Variants in LRRC4C observed in about 807,000 individuals in gnomAD.
LRRC4C encodes leucine-rich repeat-containing protein 4C.
In LRRC4C, 5 loss-of-function variants were observed where a neutral mutation model predicts 33.6. That is an observed-to-expected ratio of 0.15 (90% confidence interval 0.08 to 0.31). The LOEUF (loss-of-function observed/expected upper bound fraction) is 0.31. LRRC4C is among the 10% of genes least tolerant of loss of function. LRRC4C has a pLI of 1.00. For synonymous variants in LRRC4C, 329 were observed against 302.0 expected, an observed-to-expected ratio of 1.09 and a Z score of -0.93; for missense variants, 560 against 796.7, an observed-to-expected ratio of 0.70 and a Z score of 3.58.
chr11:40,629,084 G>C (rs1015553890), intron 3 of LRRC4C, among the ~76,000 whole-genome samples: 1 of 152,074 alleles, frequency 6.6e-6, no homozygotes, highest in African/African-American at 2.4e-5. Context: ...TACTTAGCAA[G>C]TTGCAATTAA....
intron 3 of LRRC4C, among the ~76,000 whole-genome samples, chr11:40,568,262 G>T (rs1163297921): frequency 6.6e-6 from 1 of 152,180 alleles, no homozygotes; most frequent in Non-Finnish European, 1.5e-5. Context: ...GGAAGAAACT[G>T]ATGTCTCCAA....
At chr11:40,555,953 A>T (rs1464698525) in intron 3 of LRRC4C, among the ~76,000 whole-genome samples, 7 of 152,328 alleles carry the variant, frequency 4.6e-5, no homozygotes, top group Middle Eastern at 3.4e-3. Context: ...TCAATTTTTT[A>T]AAATTATTTC....
At chr11:41,272,248 G>T (rs965063768) in intron 1 of LRRC4C, among the ~76,000 whole-genome samples, 1 of 152,092 alleles carries the variant, frequency 6.6e-6, no homozygotes, top group Non-Finnish European at 1.5e-5. Flanking sequence ...AAGTTGGGGT[G>T]GGGGAAGTGC....
chr11:40,700,397 C>G (rs1945810069), intron 2 of LRRC4C, among the ~76,000 whole-genome samples: 1 of 152,068 alleles, frequency 6.6e-6, no homozygotes, highest in African/African-American at 2.4e-5. Context: ...AATCTTAGCA[C>G]CCTATGGCAT....
chr11:40,376,008 TG>T (rs34159401), intron 3 of LRRC4C, among the ~76,000 whole-genome samples: 473 of 152,296 alleles, frequency 3.1e-3, no homozygotes, highest in Non-Finnish European at 5.2e-3. Context: ...AGAATGGTCC[TG>T]GAAGATTGCT....
At chr11:40,154,287 C>CAAA (rs60017606) in intron 5 of LRRC4C, among the ~76,000 whole-genome samples, 5 of 114,202 alleles carry the variant, frequency 4.4e-5, no homozygotes, top group African/African-American at 1.3e-4. Flanking sequence ...AGCTAAAAAG[C>CAAA]AAAAAAAAAA....
At chr11:40,275,184 A>G (rs746186872) in intron 4 of LRRC4C, among the ~76,000 whole-genome samples, 13 of 152,188 alleles carry the variant, frequency 8.5e-5, no homozygotes, top group African/African-American at 1.2e-4. Context: ...TATGTGAGAA[A>G]TACACTGCAT....
intron 3 of LRRC4C, among the ~76,000 whole-genome samples, chr11:40,550,666 A>G (rs965402136): frequency 6.6e-6 from 1 of 152,178 alleles, no homozygotes; most frequent in Non-Finnish European, 1.5e-5. Context: ...TATTTATGGT[A>G]TATTATGACC....
At chr11:41,212,536 TA>T (rs1485810465) in intron 1 of LRRC4C, among the ~76,000 whole-genome samples, 2 of 152,214 alleles carry the variant, frequency 1.3e-5, no homozygotes, top group African/African-American at 4.8e-5. Context: ...GCTTAGGTAT[TA>T]AGCTCAGCAT....
chr11:40,566,290 T>A (rs1296765247), intron 3 of LRRC4C, among the ~76,000 whole-genome samples: 1 of 151,892 alleles, frequency 6.6e-6, no homozygotes, highest in Non-Finnish European at 1.5e-5. Context: ...ATAATTCATA[T>A]TAAAACTTCA....
intron 1 of LRRC4C, among the ~76,000 whole-genome samples, chr11:41,434,449 A>G (rs1010706693): frequency 3.3e-5 from 5 of 152,112 alleles, no homozygotes; most frequent in Non-Finnish European, 4.4e-5. Flanking sequence ...TGGTCAAGTC[A>G]CTTTGCTTCC....
At chr11:40,936,050 ATATATATATATAT>A (rs1565219324) in intron 1 of LRRC4C, among the ~76,000 whole-genome samples, 2 of 88,080 alleles carry the variant, frequency 2.3e-5, no homozygotes, top group Non-Finnish European at 4.7e-5. Flanking sequence ...ATATATATAT[ATATATATATATAT>A]ATAACATAGT....
intron 1 of LRRC4C, among the ~76,000 whole-genome samples, chr11:41,041,151 C>T (rs796745896): frequency 1.3e-5 from 2 of 152,254 alleles, no homozygotes; most frequent in African/African-American, 2.4e-5. Context: ...AACTCTTGTT[C>T]CAGGTTTGCA....
At chr11:40,568,739 A>C (rs1591133121) in intron 3 of LRRC4C, among the ~76,000 whole-genome samples, 1 of 152,134 alleles carries the variant, frequency 6.6e-6, no homozygotes, top group African/African-American at 2.4e-5. Flanking sequence ...GAAATCTATC[A>C]GTGTGTATTG....
At chr11:40,392,200 G>C (rs531576483) in intron 3 of LRRC4C, among the ~76,000 whole-genome samples, 1 of 152,144 alleles carries the variant, frequency 6.6e-6, no homozygotes, top group East Asian at 1.9e-4. Flanking sequence ...GGGAATTTAG[G>C]GCAGTGAAAC....
chr11:40,767,913 T>TA (rs1554954203), intron 2 of LRRC4C, among the ~76,000 whole-genome samples: 1 of 151,484 alleles, frequency 6.6e-6, no homozygotes, highest in Non-Finnish European at 1.5e-5. Context: ...TTTAAATAAT[T>TA]AAAAATACAG....
chr11:40,364,882 G>A (rs1435678215), intron 3 of LRRC4C, among the ~76,000 whole-genome samples: 1 of 151,698 alleles, frequency 6.6e-6, no homozygotes, highest in African/African-American at 2.4e-5. Context: ...AGAAAATGGA[G>A]CAATATCTTT....
chr11:41,444,777 A>G lies in LRRC4C; in HGVS notation c.-496+14654T>C, dbSNP rs577595715. On this transcript the variant is annotated intron_variant, in intron 1 of 6. Transcript: ENST00000528697. The stretch of plus-strand genomic sequence containing the variant: ...TGGAGAGAAAATAAGATTGAGTCAT[A>G]TTAGTATCAGGACAGGAAGTCTAAC... Among the ~76,000 whole-genome samples, 3 of 151,782 alleles carry G rather than the reference A, an allele frequency of 2.0e-5. No individual in the cohort carries two copies. In the South Asian group the frequency reaches 6.2e-4, roughly 32 times the overall value.
intron 2 of LRRC4C, among the ~76,000 whole-genome samples, chr11:40,789,093 G>GA (rs397956716): frequency 0.22 from 13,350 of 61,242 alleles, 993 homozygotes; most frequent in African/African-American, 0.26. Flanking sequence ...TCCGTCTCGG[G>GA]AAAAAAAAAA....
Sources: allele counts gnomAD v4.1 joint callset (sites outside exome capture counted in the v4.1 genomes callset), GRCh38; gene constraint gnomAD v4.1.1; transcripts MANE v1.5; gene names NCBI Gene and HGNC (gene_info 2026-07-23, HGNC 2026-07-21).